CCDC146: variants seen among roughly 807,000 people sequenced by gnomAD.
CCDC146 encodes coiled-coil domain-containing protein 146.
In CCDC146, 92 loss-of-function variants were observed where a neutral mutation model predicts 119.3. The observed-to-expected ratio is 0.77, with a 90% CI of 0.65 to 0.92. The LOEUF (loss-of-function observed/expected upper bound fraction) is 0.92, where lower values mean the gene tolerates loss of function less well. Among genes scored for constraint, CCDC146 ranks in the 40% least tolerant of loss-of-function variants. CCDC146 has a pLI of 0.00. For missense variants in CCDC146, 1,000 were observed against 1,103.0 expected (o/e 0.91, Z 1.32); for synonymous variants, 372 against 371.8 (o/e 1.00, Z -0.01).
intron 2 of CCDC146, among the ~76,000 whole-genome samples, chr7:77,217,037 C>T (rs963989380): frequency 6.6e-6 from 1 of 151,928 alleles, no homozygotes; most frequent in Admixed American, 6.6e-5. Flanking sequence ...AAATATTTTA[C>T]TATAATTTTA....
chr7:77,239,876 AG>A (rs2150486873), intron 3 of CCDC146, among the ~76,000 whole-genome samples: 1 of 152,308 alleles, frequency 6.6e-6, no homozygotes, highest in African/African-American at 2.4e-5. Context: ...TTCCCTACAT[AG>A]GGCCAAGGTC....
chr7:77,156,778 T>G lies in CCDC146; in HGVS notation c.-11-10880T>G, dbSNP rs554629500. On this transcript the variant is annotated intron_variant, in intron 1 of 18. Coordinates refer to ENST00000285871, the MANE Select transcript of CCDC146 (RefSeq NM_020879.3). ...TTGTTGTTGTTGTCCATTAAATGGA[T>G]CTGAGGTATGCCTCATGTCAGATTG... 9.8e-5 allele frequency among the ~76,000 whole-genome samples: 15 copies of G among 152,306 alleles called. No homozygotes were observed. The South Asian group carries it at 2.3e-3, about 23-fold the overall frequency.
chr7:77,286,220 C>T lies in CCDC146; in HGVS notation c.2149-578C>T, dbSNP rs112331290. On this transcript the variant is annotated intron_variant, in intron 15 of 18. Transcript: ENST00000285871. ...AAGGGGGCGCAGGCACATTGCATGG[C>T]GAGAGAGGAAGCAAGAGAAAGAAGC... Among the ~76,000 whole-genome samples the T allele has an allele frequency of 4.1e-3, 626 of 152,176 alleles. 8 individuals carry two copies. Among genetic ancestry groups the T allele is most frequent in the African/African-American group, 8.0e-3 (332 of 41,508 alleles).
chr7:77,123,725 C>T (rs2117377992), intron 1 of CCDC146, among the ~76,000 whole-genome samples: 1 of 152,264 alleles, frequency 6.6e-6, no homozygotes, highest in East Asian at 1.9e-4. Flanking sequence ...CTAAAGTTCT[C>T]ATGGGTACAA....
intron 2 of CCDC146, among the ~76,000 whole-genome samples, chr7:77,213,181 C>T (rs1455783376): frequency 1.3e-5 from 2 of 151,982 alleles, no homozygotes; most frequent in Non-Finnish European, 2.9e-5. Flanking sequence ...GCCTTGACTT[C>T]CTGGGCTCAA....
rs76418782 is a variant in CCDC146, at chr7:77,192,927, AAAAAT to A, written c.156+25116_156+25120del. Among the ~76,000 whole-genome samples, 84 of 152,282 alleles carry A rather than the reference AAAAAT, an allele frequency of 5.5e-4. 1 individual carries two copies. Among genetic ancestry groups the A allele is most frequent in the Non-Finnish European group, 9.7e-4 (66 of 68,024 alleles). ...GACAGAGTGAGACTCCGTCTCTAAA[AAAAAT>A]AAAATAAAATAATAAAAAAAAAGAA... On this transcript the variant is annotated intron_variant, in intron 2 of 18. Coordinates refer to ENST00000285871, the MANE Select transcript of CCDC146 (RefSeq NM_020879.3).
In CCDC146 at chr7:77,282,549, G is replaced by A; in HGVS notation, c.1920-8G>A. The A allele has an allele frequency of 6.3e-7, 1 of 1,586,238 alleles. No homozygotes were observed. Among genetic ancestry groups the A allele is most frequent in the Non-Finnish European group, 8.6e-7 (1 of 1,164,442 alleles). On this transcript the variant is annotated splice_region_variant and splice_polypyrimidine_tract_variant and intron_variant, in intron 14 of 18. Coordinates refer to ENST00000285871, the MANE Select transcript of CCDC146 (RefSeq NM_020879.3). ...CCACTTAGCCTCTGCCTCTGAATTT[G>A]ACCATAGTGGCGTTCAGCTGATAGA...
intron 14 of CCDC146, among the ~76,000 whole-genome samples, chr7:77,281,501 T>C (rs1247481191): frequency 6.6e-6 from 1 of 152,242 alleles, no homozygotes; most frequent in Non-Finnish European, 1.5e-5. Flanking sequence ...CCTGTGATAA[T>C]GACATCTGGT....
chr7:77,179,359 T>A (rs1791546408), intron 2 of CCDC146, among the ~76,000 whole-genome samples: 1 of 152,138 alleles, frequency 6.6e-6, no homozygotes, highest in Non-Finnish European at 1.5e-5. Context: ...TACCCCATTA[T>A]ACAATCTAAA....
intron 15 of CCDC146, 115 bp downstream of exon 15, chr7:77,282,900 G>T: frequency 1.5e-6 from 1 of 683,190 alleles, no homozygotes; most frequent in South Asian, 1.9e-5. Context: ...GGACCTATAA[G>T]AATCCATCCA....
intron 4 of CCDC146, 65 bp from the exon 5 acceptor site, chr7:77,254,441 A>G: frequency 1.1e-6 from 1 of 891,290 alleles, no homozygotes; most frequent in Non-Finnish European, 1.8e-6. Flanking sequence ...GAAGATAGAA[A>G]GTTGTTATTA....
intron 2 of CCDC146, among the ~76,000 whole-genome samples, chr7:77,217,928 T>C (rs1792330293): frequency 6.6e-6 from 1 of 152,200 alleles, no homozygotes; most frequent in Non-Finnish European, 1.5e-5. Flanking sequence ...GAATGGAGCT[T>C]GCAGGACTGG....
intron 2 of CCDC146, among the ~76,000 whole-genome samples, chr7:77,202,076 T>C (rs1792001579): frequency 6.6e-6 from 1 of 152,282 alleles, no homozygotes; most frequent in African/African-American, 2.4e-5. Context: ...AGCACTATGC[T>C]AGAGCATATA....
intron 1 of CCDC146, among the ~76,000 whole-genome samples, chr7:77,125,337 C>T (rs1387239753): frequency 1.3e-5 from 2 of 150,456 alleles, no homozygotes; most frequent in East Asian, 2.0e-4. Flanking sequence ...CAAAATTGCA[C>T]GTATAGTATG....
Position 77,273,594 on chromosome 7 carries a change from C to T in CCDC146, c.1174-100C>T, listed in dbSNP as rs373221951. On this transcript the variant is annotated intron_variant, in intron 9 of 18. Coordinates refer to ENST00000285871, the MANE Select transcript of CCDC146 (RefSeq NM_020879.3). ...GGAGTGCAGTGGCACGATCTCAGCT[C>T]ACTGCAACTTCTGCCTCCCGGGTTC... 93 of 705,964 alleles carry T rather than the reference C, an allele frequency of 1.3e-4. No individual in the cohort carries two copies. The East Asian group carries it at 2.6e-3, about 20-fold the overall frequency. The allele number at this position is 705,964 out of a possible 1,614,324, so 43.7% of individuals were successfully genotyped here. A position where few individuals can be genotyped will look rare whatever the true frequency, so the allele number is the denominator to read the frequency against.
chr7:77,197,358 T>C (rs562789559), intron 2 of CCDC146, among the ~76,000 whole-genome samples: 1 of 152,368 alleles, frequency 6.6e-6, no homozygotes, highest in South Asian at 2.1e-4. Flanking sequence ...ATTGACCTTA[T>C]GATGTAGGCG....
At chr7:77,206,244 A>G (rs981138757) in intron 2 of CCDC146, among the ~76,000 whole-genome samples, 7 of 152,194 alleles carry the variant, frequency 4.6e-5, no homozygotes, top group South Asian at 2.1e-4. Context: ...TATTTATTCT[A>G]ATATGTATAA....
intron 2 of CCDC146, among the ~76,000 whole-genome samples, chr7:77,224,712 T>A (rs984074383): frequency 6.6e-6 from 1 of 152,156 alleles, no homozygotes; most frequent in Admixed American, 6.5e-5. Context: ...ATGAAGACCC[T>A]TGTACACCAT....
chr7:77,142,662 G>A lies in CCDC146; in HGVS notation c.-12+19930G>A, dbSNP rs149768410. ...TCCCACCTATGAGTGAGAACATGCAGTGTTTGGTTTTTTGTTCTTGCGATA... is the reference window on the plus strand; with the variant it reads ...TCCCACCTATGAGTGAGAACATGCAATGTTTGGTTTTTTGTTCTTGCGATA... On this transcript the variant is annotated intron_variant, in intron 1 of 18. Coordinates refer to ENST00000285871, the MANE Select transcript of CCDC146 (RefSeq NM_020879.3). Among the ~76,000 whole-genome samples, 1,064 of 151,888 alleles carry A rather than the reference G, an allele frequency of 7.0e-3. 58 individuals carry two copies. The East Asian group carries it at 0.14, about 21-fold the overall frequency.
Sources: allele counts gnomAD v4.1 joint callset (sites outside exome capture counted in the v4.1 genomes callset), GRCh38; gene constraint gnomAD v4.1.1; transcripts MANE v1.5; gene names NCBI Gene and HGNC (gene_info 2026-07-23, HGNC 2026-07-21).